Variants in ZC2HC1B observed in about 807,000 individuals in gnomAD.
The protein encoded by ZC2HC1B is zinc finger C2HC domain-containing protein 1B.
In ZC2HC1B, 36 loss-of-function variants were observed where a neutral mutation model predicts 31.0. That is an observed-to-expected ratio of 1.16 (90% confidence interval 0.89 to 1.54). The LOEUF (loss-of-function observed/expected upper bound fraction) is 1.54, where lower values mean the gene tolerates loss of function less well. Among genes scored for constraint, ZC2HC1B ranks in the 40% most tolerant of loss-of-function variants. ZC2HC1B has a pLI of 0.00. For synonymous variants in ZC2HC1B, 73 were observed against 88.0 expected (o/e 0.83, Z 0.95); for missense variants, 260 against 268.6 (o/e 0.97, Z 0.22).
chr6:143,896,093 C>T (rs75738668), intron 4 of ZC2HC1B, among the ~76,000 whole-genome samples: 1 of 152,342 alleles, frequency 6.6e-6, no homozygotes, highest in Non-Finnish European at 1.5e-5. Context: ...CCTGCCTGCT[C>T]TCTGCCCCTC....
intron 6 of ZC2HC1B, among the ~76,000 whole-genome samples, chr6:143,906,922 T>A (rs368613377): frequency 1.3e-5 from 2 of 152,098 alleles, no homozygotes; most frequent in East Asian, 1.9e-4. Flanking sequence ...TTCCTCATGC[T>A]CTCCCTCCTT....
chr6:143,917,059 T>G lies in ZC2HC1B; in HGVS notation c.598+13907T>G, dbSNP rs1215697366. 2.0e-5 allele frequency among the ~76,000 whole-genome samples: 3 copies of G among 152,136 alleles called. No homozygotes were observed. The highest frequency in any genetic ancestry group is 4.4e-5 in the Non-Finnish European group (3 of 68,020). The stretch of plus-strand genomic sequence containing the variant: ...AATATCATCTTGAATTCCCATGTGT[T>G]TTTGGAGGGACCCAGTGGGAGGTAA... On this transcript the variant is annotated intron_variant, in intron 6 of 7. Transcript: ENST00000237275. This position sits in a 1 kb window ranked among gnomAD's most constrained non-coding sequence, Gnocchi z 4.1.
At chr6:143,890,364 G>A (rs544373433) in intron 4 of ZC2HC1B, among the ~76,000 whole-genome samples, 3 of 144,708 alleles carry the variant, frequency 2.1e-5, no homozygotes, top group South Asian at 4.7e-4. Flanking sequence ...CTTCCACAAA[G>A]TGTAATTCCT....
rs75853137 is a variant in ZC2HC1B at position 143,933,674 on chromosome 6, G to A, written c.599-3975G>A. On this transcript the variant is annotated intron_variant, in intron 6 of 7. Coordinates refer to ENST00000237275, the MANE Select transcript of ZC2HC1B (RefSeq NM_001013623.3). The surrounding 1 kb of genome is among the most constrained non-coding windows in gnomAD (Gnocchi z 6.4). Reference sequence around the variant, plus strand: ...TGGCAAGGCCAGTCTCACTCCCACCGTGCCCTGCTAACCGTGCCAAGTTTA... The same window carrying A: ...TGGCAAGGCCAGTCTCACTCCCACCATGCCCTGCTAACCGTGCCAAGTTTA... Among the ~76,000 whole-genome samples the A allele has an allele frequency of 7.4e-3, 1,129 of 152,212 alleles. 11 individuals are homozygous for A. Among genetic ancestry groups the A allele is most frequent in the African/African-American group, 0.026 (1,080 of 41,544 alleles).
rs1481911019 is a variant in ZC2HC1B at position 143,905,407 on chromosome 6, T to C, written c.598+2255T>C. On this transcript the variant is annotated intron_variant, in intron 6 of 7. Coordinates refer to ENST00000237275, the MANE Select transcript of ZC2HC1B (RefSeq NM_001013623.3). This position sits in a 1 kb window ranked among gnomAD's most constrained non-coding sequence, Gnocchi z 4.2. ...CACAACTAATTTTCCTGTGTTGACT[T>C]TCTGTTCTACTTTGCTGAATTAATT... Among the ~76,000 whole-genome samples, 1 of 152,244 alleles carries C rather than the reference T, an allele frequency of 6.6e-6. No individual in the cohort carries two copies. The highest frequency in any genetic ancestry group is 2.4e-5 in the African/African-American group (1 of 41,468).
At chr6:143,864,958 G>A (rs948779361) in intron 1 of ZC2HC1B, among the ~76,000 whole-genome samples, 1 of 152,106 alleles carries the variant, frequency 6.6e-6, no homozygotes, top group Non-Finnish European at 1.5e-5. Flanking sequence ...AATAGGCATT[G>A]GATGTTTCTT....
Position 143,884,510 on chromosome 6 carries a change from GC to G in ZC2HC1B, c.90+148del. The G allele has an allele frequency of 1.5e-6, 1 of 661,280 alleles. No homozygotes were observed. The highest frequency in any genetic ancestry group is 2.3e-6 in the Non-Finnish European group (1 of 426,124). The allele number at this position is 661,280 out of a possible 1,614,324, so 41.0% of individuals were successfully genotyped here. A position where few individuals can be genotyped will look rare whatever the true frequency, so the allele number is the denominator to read the frequency against. Reference sequence around the variant, plus strand: ...AAAGTACATAACCTATGGCTGGTGGGCCCAGAGAACACTGAGGCAGATTGAT... The same window carrying G: ...AAAGTACATAACCTATGGCTGGTGGGCCAGAGAACACTGAGGCAGATTGAT... On this transcript the variant is annotated intron_variant, in intron 2 of 7. Coordinates refer to ENST00000237275, the MANE Select transcript of ZC2HC1B (RefSeq NM_001013623.3). This position sits in a 1 kb window ranked among gnomAD's most constrained non-coding sequence, Gnocchi z 5.1.
intron 6 of ZC2HC1B, among the ~76,000 whole-genome samples, chr6:143,936,093 C>T (rs1301409525): frequency 6.6e-6 from 1 of 152,086 alleles, no homozygotes; most frequent in Non-Finnish European, 1.5e-5. Flanking sequence ...TATCTTGTAC[C>T]TCCCACATAT....
chr6:143,937,653 A>T lies in ZC2HC1B; in HGVS notation c.603A>T (p.Leu201Phe), dbSNP rs1562351455. Residue 201 changes from leucine (L) to phenylalanine (F), a missense_variant, in exon 7 of 8, where the codon TTA becomes TTT. By Grantham distance (22) the Leu-to-Phe change is conservative. Coordinates refer to ENST00000237275, the MANE Select transcript of ZC2HC1B (RefSeq NM_001013623.3). ...AATCTGTTTATGTTTGCAAAGGATTAGCTATGGACCCTGCTTCTGGAGCAA... is the reference window on the plus strand; with the variant it reads ...AATCTGTTTATGTTTGCAAAGGATTTGCTATGGACCCTGCTTCTGGAGCAA... ...ATNEVPTKSG[L>F]AMDPASGAKL... 1.9e-6 allele frequency: 3 copies of T among 1,547,820 alleles called. No homozygotes were observed. The Admixed American group carries it at 6.0e-5, about 31-fold the overall frequency.
chr6:143,903,130 G>T lies in ZC2HC1B; in HGVS notation c.576G>T (p.Thr192=). ...TGCAGAACAGGGTCCTGGTGGCCACGAATGAAGTCCCAACCAAGTCAGGTG... is the reference window on the plus strand; with the variant it reads ...TGCAGAACAGGGTCCTGGTGGCCACTAATGAAGTCCCAACCAAGTCAGGTG... ...ALLQNRVLVA[T]NEVPTKSGLA... is the part of the protein sequence containing the mutation. The change falls in exon 6 of 8, where the codon ACG becomes ACT. Residue 192 remains threonine (T), a synonymous_variant. Transcript: ENST00000237275. The surrounding 1 kb of genome is among the most constrained non-coding windows in gnomAD (Gnocchi z 4.3). The T allele has an allele frequency of 6.4e-7, 1 of 1,552,142 alleles. No individual in the cohort carries two copies. Among genetic ancestry groups the T allele is most frequent in the Non-Finnish European group, 8.7e-7 (1 of 1,147,090 alleles).
intron 6 of ZC2HC1B, among the ~76,000 whole-genome samples, chr6:143,920,639 G>A (rs1233329960): frequency 1.3e-5 from 2 of 152,018 alleles, no homozygotes; most frequent in African/African-American, 4.8e-5. Context: ...GGCTGGGCGT[G>A]GTGGCTCACA....
chr6:143,878,819 C>A (rs1038087035), intron 1 of ZC2HC1B, among the ~76,000 whole-genome samples: 2 of 152,202 alleles, frequency 1.3e-5, no homozygotes, highest in Non-Finnish European at 2.9e-5. Context: ...TAGAACTTAA[C>A]TACCAAAAAT....
Position 143,911,915 on chromosome 6 carries a change from A to G in ZC2HC1B, c.598+8763A>G, listed in dbSNP as rs1156452360. ...TTTCAGGTACCCCAATCAGTTGTAG[A>G]TTTGGTCTCTTTACATAATCCCATG... is the stretch of plus-strand genomic sequence containing the variant. On this transcript the variant is annotated intron_variant, in intron 6 of 7. Transcript: ENST00000237275. This position sits in a 1 kb window ranked among gnomAD's most constrained non-coding sequence, Gnocchi z 4.5. Among the ~76,000 whole-genome samples, 1 of 151,846 alleles carries G rather than the reference A, an allele frequency of 6.6e-6. No individual in the cohort carries two copies. Among genetic ancestry groups the G allele is most frequent in the African/African-American group, 2.4e-5 (1 of 41,326 alleles).
At position 143,884,726 on chromosome 6, in the gene ZC2HC1B, A is replaced by G. The variant is rs1777509564; in HGVS notation, c.90+361A>G. Among the ~76,000 whole-genome samples, 1 of 152,212 alleles carries G rather than the reference A, an allele frequency of 6.6e-6. No individual in the cohort carries two copies. The highest frequency in any genetic ancestry group is 2.4e-5 in the African/African-American group (1 of 41,452). On this transcript the variant is annotated intron_variant, in intron 2 of 7. Coordinates refer to ENST00000237275, the MANE Select transcript of ZC2HC1B (RefSeq NM_001013623.3). This position sits in a 1 kb window ranked among gnomAD's most constrained non-coding sequence, Gnocchi z 5.1. ...GCTAGTCAAGAGGAATGAGCATTGA[A>G]TTTTAGACATCTGGAAACCTGGCTT...
At chr6:143,931,134 T>A (rs1417023496) in intron 6 of ZC2HC1B, among the ~76,000 whole-genome samples, 1 of 152,236 alleles carries the variant, frequency 6.6e-6, no homozygotes, top group Non-Finnish European at 1.5e-5. Flanking sequence ...TCCTGCTTGC[T>A]TTTGGTTTCC....
At chr6:143,897,386 A>T (rs1316407624) in intron 4 of ZC2HC1B, among the ~76,000 whole-genome samples, 2 of 151,318 alleles carry the variant, frequency 1.3e-5, no homozygotes, top group East Asian at 1.9e-4. Context: ...GGTAGTTGCC[A>T]ACCTAGTTTT....
At position 143,884,157 on chromosome 6, in the gene ZC2HC1B, A is replaced by T. The variant is rs1479773274; in HGVS notation, c.29-147A>T. On this transcript the variant is annotated intron_variant, in intron 1 of 7. Transcript: ENST00000237275. This position sits in a 1 kb window ranked among gnomAD's most constrained non-coding sequence, Gnocchi z 5.1. Reference sequence around the variant, plus strand: ...AAACACAGGTGAGTTTAGTTTACACAGGGTCTTCCCAAAGGGAAGAAGCAG... The same window carrying T: ...AAACACAGGTGAGTTTAGTTTACACTGGGTCTTCCCAAAGGGAAGAAGCAG... 7 of 592,652 alleles carry T rather than the reference A, an allele frequency of 1.2e-5. No homozygotes were observed. The highest frequency in any genetic ancestry group is 2.0e-5 in the Non-Finnish European group (7 of 358,156). The allele number at this position is 592,652 out of a possible 1,614,324, so 36.7% of individuals were successfully genotyped here. A position where few individuals can be genotyped will look rare whatever the true frequency, so the allele number is the denominator to read the frequency against.
chr6:143,925,165 CTTTTTTTTTTTT>C (rs71024879), intron 6 of ZC2HC1B, among the ~76,000 whole-genome samples: 15 of 104,188 alleles, frequency 1.4e-4, no homozygotes, highest in African/African-American at 3.2e-4. Context: ...AATCTCATTC[CTTTTTTTTTTTT>C]TTTTTTTTTT....
chr6:143,885,319 C>T lies in ZC2HC1B; in HGVS notation c.91-713C>T, dbSNP rs1777518843. On this transcript the variant is annotated intron_variant, in intron 2 of 7. Transcript: ENST00000237275. This position sits in a 1 kb window ranked among gnomAD's most constrained non-coding sequence, Gnocchi z 4.2. ...GTAGTCCACCAGTGTGTGTCACTGC[C>T]TTTGCCAGACTGGAGCCACACCCCC... Among the ~76,000 whole-genome samples, 3 of 152,200 alleles carry T rather than the reference C, an allele frequency of 2.0e-5. 1 individual carries two copies. In the South Asian group the frequency reaches 6.2e-4, roughly 32 times the overall value.
Sources: allele counts gnomAD v4.1 joint callset (sites outside exome capture counted in the v4.1 genomes callset), GRCh38; gene constraint gnomAD v4.1.1; non-coding constraint Gnocchi (gnomAD v3.1); transcripts MANE v1.5; gene names NCBI Gene and HGNC (gene_info 2026-07-23, HGNC 2026-07-21).